The following DNMBP variants were observed in gnomAD, a reference collection of about 807,000 sequenced individuals.
DNMBP encodes dynamin-binding protein.
In DNMBP, 87 loss-of-function variants were observed where a neutral mutation model predicts 150.0. The ratio of observed to expected loss-of-function variants is 0.58; its 90% CI spans 0.49 to 0.69. The LOEUF is 0.69. Ranked by LOEUF, DNMBP falls within the 30% of genes least tolerant of loss-of-function variation. DNMBP has a pLI of 0.00. For missense variants in DNMBP, 1,774 were observed against 1,949.0 expected (o/e 0.91, Z 1.69); for synonymous variants, 711 against 750.4 (o/e 0.95, Z 0.86).
intron 15 of DNMBP, among the ~76,000 whole-genome samples, chr10:99,882,278 A>C (rs1484708048): frequency 6.6e-6 from 1 of 152,214 alleles, no homozygotes; most frequent in Non-Finnish European, 1.5e-5. Flanking sequence ...AGGAGAAATA[A>C]GCTCTGGTGT....
intron 1 of DNMBP, among the ~76,000 whole-genome samples, chr10:99,980,432 G>C (rs1821704872): frequency 1.4e-5 from 2 of 143,414 alleles, no homozygotes; most frequent in South Asian, 4.4e-4. Context: ...GGGCAACAGA[G>C]TAAGACTCCG....
chr10:99,982,337 G>A (rs1480948838), intron 1 of DNMBP, among the ~76,000 whole-genome samples: 1 of 151,990 alleles, frequency 6.6e-6, no homozygotes, highest in Non-Finnish European at 1.5e-5. Flanking sequence ...CCAGCTACTG[G>A]GGAGGCTGAG....
At chr10:99,915,105 AAAAAT>A (rs1051746314) in intron 4 of DNMBP, among the ~76,000 whole-genome samples, 2 of 112,568 alleles carry the variant, frequency 1.8e-5, no homozygotes, top group Admixed American at 9.4e-5. Context: ...AAAAAAAAAA[AAAAAT>A]ATATATATAT....
At chr10:99,928,407 G>A (rs572843324) in intron 4 of DNMBP, among the ~76,000 whole-genome samples, 43 of 152,256 alleles carry the variant, frequency 2.8e-4, no homozygotes, top group South Asian at 1.2e-3. Flanking sequence ...CACATTCTCT[G>A]ACTAACCTTT....
At chr10:99,929,626 T>A (rs1228455157) in intron 4 of DNMBP, 1 of 685,034 alleles carries the variant, frequency 1.5e-6, no homozygotes, top group South Asian at 1.6e-5. Flanking sequence ...TTCTTGCTGT[T>A]TTGCACGAAC....
rs143455921 is a variant in DNMBP at position 99,877,193 on chromosome 10, G to A, written c.4692C>T (p.Gly1564=). 22 of 1,613,528 alleles carry A rather than the reference G, an allele frequency of 1.4e-5. No homozygotes were observed. The African/African-American group carries it at 2.4e-4, about 18-fold the overall frequency. Residue 1564 remains glycine (G), a synonymous_variant, in exon 17 of 17, where the codon GGC becomes GGT. Transcript: ENST00000324109. ...WWLAEVNGKK[G]YVPSNYIRKT... ...TGCGGATATAATTGGAGGGAACGTA[G>A]CCCTTCTTCCCGTTAACCTCAGCTA... is the stretch of plus-strand genomic sequence containing the variant.
At chr10:99,939,091 G>C (rs1341051526) in intron 4 of DNMBP, among the ~76,000 whole-genome samples, 20 of 151,558 alleles carry the variant, frequency 1.3e-4, no homozygotes, top group African/African-American at 4.6e-4. Flanking sequence ...GGTAGAAGAA[G>C]GGTAAAGGAA....
At chr10:99,885,189 G>T (rs1229990198) in intron 14 of DNMBP, among the ~76,000 whole-genome samples, 1 of 151,940 alleles carries the variant, frequency 6.6e-6, no homozygotes. Context: ...ATGAACCAAT[G>T]AATTAATACT....
At chr10:99,945,051 G>T (rs968689235) in intron 4 of DNMBP, among the ~76,000 whole-genome samples, 4 of 152,164 alleles carry the variant, frequency 2.6e-5, no homozygotes, top group African/African-American at 9.7e-5. Flanking sequence ...CAAGGTACAA[G>T]GTACACTGAG....
chr10:99,915,616 G>GTAGTCCC (rs2039957526), intron 4 of DNMBP, among the ~76,000 whole-genome samples: 1 of 152,158 alleles, frequency 6.6e-6, no homozygotes, highest in Non-Finnish European at 1.5e-5. Flanking sequence ...TCCGAAGGCT[G>GTAGTCCC]AAGTGGGAGG....
chr10:99,966,603 T>C (rs375801002), intron 3 of DNMBP, among the ~76,000 whole-genome samples: 49 of 152,296 alleles, frequency 3.2e-4, no homozygotes, highest in African/African-American at 1.1e-3. Context: ...CAGACTCCAC[T>C]GGGAGAGCTA....
rs536185340 is a variant in DNMBP, at chr10:99,892,765, A to AT, written c.3156+2180dup. Reference sequence around the variant, plus strand: ...CCAAGAATTATCAATAAAAAAATAAATTAAAAAAAAATACTAAAACACGAG... The same window carrying AT: ...CCAAGAATTATCAATAAAAAAATAAATTTAAAAAAAAATACTAAAACACGAG... On this transcript the variant is annotated intron_variant, in intron 11 of 16. Transcript: ENST00000324109. 7.2e-5 allele frequency among the ~76,000 whole-genome samples: 11 copies of AT among 151,834 alleles called. No homozygotes were observed. In the East Asian group the frequency reaches 1.7e-3, roughly 24 times the overall value.
Position 99,879,878 on chromosome 10 carries a change from G to C in DNMBP, c.4481C>G (p.Ala1494Gly). The C allele has an allele frequency of 6.2e-7, 1 of 1,614,236 alleles. No individual in the cohort carries two copies. Among genetic ancestry groups the C allele is most frequent in the Non-Finnish European group, 8.5e-7 (1 of 1,180,040 alleles). The change falls in exon 16 of 17, where the codon GCA (alanine) becomes GGA (glycine). Residue 1494 changes from alanine to glycine, a missense_variant. Physicochemically the swap from Ala to Gly is moderately conservative, Grantham distance 60 (BLOSUM62 0). Coordinates refer to ENST00000324109, the MANE Select transcript of DNMBP (RefSeq NM_015221.4). ...GTCTTCCGGAGCCTGGGCTGTTCTTGCACATCCTTTGACGAGGTCTTGACT... is the reference window on the plus strand; with the variant it reads ...GTCTTCCGGAGCCTGGGCTGTTCTTCCACATCCTTTGACGAGGTCTTGACT... ...GQSQDLVKGC[A>G]RTAQAPEDRS...
Position 99,955,406 on chromosome 10 carries a change from G to C in DNMBP, c.2068C>G (p.Pro690Ala), listed in dbSNP as rs2040473783. 3.1e-6 allele frequency: 5 copies of C among 1,614,134 alleles called. No homozygotes were observed. Among genetic ancestry groups the C allele is most frequent in the Non-Finnish European group, 4.2e-6 (5 of 1,180,030 alleles). Residue 690 changes from proline to alanine, a missense_variant, in exon 4 of 17, where the codon CCA becomes GCA. This residue lies in a region of DNMBP where 1,430 missense variants were observed against 1,492.5 expected (regional missense o/e 0.96). Coordinates refer to ENST00000324109, the MANE Select transcript of DNMBP (RefSeq NM_015221.4). Reference protein sequence around the residue: ...HMGRSLDQTSPCPLVLVRIEE... With the variant: ...HMGRSLDQTSACPLVLVRIEE... ...ATCCTCACCAGCACTAAGGGGCATGGGGAGGTCTGGTCCAGACTCCTTCCC... is the reference window on the plus strand; with the variant it reads ...ATCCTCACCAGCACTAAGGGGCATGCGGAGGTCTGGTCCAGACTCCTTCCC...
intron 1 of DNMBP, among the ~76,000 whole-genome samples, chr10:99,997,918 ACT>A (rs1168169217): frequency 5.0e-5 from 5 of 99,680 alleles, no homozygotes; most frequent in African/African-American, 2.2e-4. Flanking sequence ...ACAGAATGAG[ACT>A]CTGTCTCAAA....
At position 99,880,011 on chromosome 10, in the gene DNMBP, C is replaced by T. The variant is rs1472571659; in HGVS notation, c.4348G>A (p.Ala1450Thr). The T allele has an allele frequency of 6.2e-7, 1 of 1,614,232 alleles. No individual in the cohort carries two copies. The highest frequency in any genetic ancestry group is 1.1e-5 in the South Asian group (1 of 91,082). The change falls in exon 16 of 17, where the codon GCA becomes ACA. Residue 1450 changes from alanine (A) to threonine (T), a missense_variant. Ala to Thr is a moderately conservative substitution (Grantham distance 58). Coordinates refer to ENST00000324109, the MANE Select transcript of DNMBP (RefSeq NM_015221.4). ...TGCTTTACATCTCTAGCTACATCTG[C>T]AGAGTCCCCTGACCTTGGCTGGGAG... ...STSQPRSGDS[A>T]DVARDVKQPT...
At chr10:99,977,296 T>C (rs2040738366) in intron 1 of DNMBP, among the ~76,000 whole-genome samples, 1 of 152,220 alleles carries the variant, frequency 6.6e-6, no homozygotes, top group African/African-American at 2.4e-5. Flanking sequence ...GTATACCCTA[T>C]GAAAAGCAGC....
intron 11 of DNMBP, among the ~76,000 whole-genome samples, chr10:99,891,782 G>A (rs570209239): frequency 6.6e-5 from 10 of 150,488 alleles, no homozygotes; most frequent in Admixed American, 1.3e-4. Flanking sequence ...GTCTCTGCCC[G>A]GCCGCCCATC....
At chr10:99,957,521 G>T (rs1378816169) in intron 3 of DNMBP, 3 of 312,222 alleles carry the variant, frequency 9.6e-6, no homozygotes, top group African/African-American at 4.3e-5. Context: ...TGTAATCTCT[G>T]TGAAAAAGCA....
Sources: gnomAD v4.1 joint callset for allele counts (sites outside exome capture counted in the v4.1 genomes callset) on GRCh38, gnomAD v4.1.1 for gene constraint, gnomAD v4.1.1 regional missense constraint, MANE v1.5 for transcripts, NCBI Gene and HGNC (gene_info 2026-07-23, HGNC 2026-07-21) for gene names.